DLG1: variants seen among roughly 807,000 people sequenced by gnomAD.
The protein encoded by DLG1 is disks large homolog 1.
Under a neutral mutation model 123.4 loss-of-function variants are expected in DLG1, and 42 were observed. That is an observed-to-expected ratio of 0.34 (90% confidence interval 0.27 to 0.44). The LOEUF (loss-of-function observed/expected upper bound fraction) is 0.44. DLG1 is among the 20% of genes least tolerant of loss of function. The pLI is 1.00. For missense variants in DLG1, 942 were observed against 1,082.6 expected (o/e 0.87, Z 1.82); for synonymous variants, 317 against 356.2 (o/e 0.89, Z 1.24).
At position 197,148,715 on chromosome 3, in the gene DLG1, A is replaced by C. The variant is rs373202173; in HGVS notation, c.537+1028T>G. 9.9e-5 allele frequency among the ~76,000 whole-genome samples: 15 copies of C among 152,266 alleles called. No homozygotes were observed. In the East Asian group the frequency reaches 2.1e-3, roughly 22 times the overall value. On this transcript the variant is annotated intron_variant, in intron 6 of 24. Transcript: ENST00000667157. ...CCAAAATCTAAAAGCAAAACCATAA[A>C]ACTCTTAGAAGAAAACTTAACTCTA...
At chr3:197,296,943 G>A (rs963004168) in intron 2 of DLG1, 16 of 496,884 alleles carry the variant, frequency 3.2e-5, no homozygotes, top group African/African-American at 1.8e-4. Context: ...GGGTTATTAA[G>A]GACATCTGTT....
At chr3:197,265,668 T>G (rs935489716) in intron 4 of DLG1, among the ~76,000 whole-genome samples, 4 of 152,120 alleles carry the variant, frequency 2.6e-5, no homozygotes, top group African/African-American at 9.7e-5. Context: ...AACCCAGAGC[T>G]CACGCAAGGC....
intron 11 of DLG1, among the ~76,000 whole-genome samples, chr3:197,120,266 CGAGA>C (rs1775584208): frequency 1.0e-5 from 1 of 96,708 alleles, no homozygotes; most frequent in African/African-American, 4.4e-5. Context: ...TGCCCTGTCT[CGAGA>C]AAGAAAAAAA....
intron 5 of DLG1, among the ~76,000 whole-genome samples, chr3:197,155,786 A>G (rs1796152914): frequency 6.6e-6 from 1 of 152,090 alleles, no homozygotes; most frequent in African/African-American, 2.4e-5. Flanking sequence ...CAAAACAGCA[A>G]CAACAACAAA....
At chr3:197,125,412 G>C (rs1412584687) in intron 11 of DLG1, among the ~76,000 whole-genome samples, 2 of 152,284 alleles carry the variant, frequency 1.3e-5, no homozygotes, top group African/African-American at 2.4e-5. Flanking sequence ...CTGCTGCGAA[G>C]AAGAAGGGGG....
At chr3:197,163,687 ATTTTTTTTTTT>A (rs56865627) in intron 5 of DLG1, among the ~76,000 whole-genome samples, 2 of 102,034 alleles carry the variant, frequency 2.0e-5, no homozygotes, top group Non-Finnish European at 3.8e-5. Flanking sequence ...ATGCTCAGCT[ATTTTTTTTTTT>A]TTTTTTTTTT....
chr3:197,193,671 A>G (rs1720861734), intron 5 of DLG1, among the ~76,000 whole-genome samples: 1 of 152,218 alleles, frequency 6.6e-6, no homozygotes, highest in South Asian at 2.1e-4. Flanking sequence ...ATAAAGTCCA[A>G]AATATGCAAA....
chr3:197,159,567 T>C (rs562663909), intron 5 of DLG1, among the ~76,000 whole-genome samples: 8 of 152,358 alleles, frequency 5.3e-5, no homozygotes, highest in African/African-American at 1.9e-4. Context: ...GTGGATCTTT[T>C]AAGAATACAT....
intron 7 of DLG1, 60 bp downstream of exon 7, chr3:197,142,657 TA>T: frequency 4.8e-6 from 6 of 1,246,656 alleles, no homozygotes; most frequent in Non-Finnish European, 6.8e-6. Context: ...TTGGATTCTG[TA>T]TGAAAAAGCA....
At chr3:197,101,407 A>G (rs1021505334) in intron 14 of DLG1, among the ~76,000 whole-genome samples, 1 of 150,578 alleles carries the variant, frequency 6.6e-6, no homozygotes, top group Non-Finnish European at 1.5e-5. Context: ...TTTTTTTGAG[A>G]CAGAGTCTCG....
chr3:197,162,374 T>C (rs1799148951), intron 5 of DLG1, among the ~76,000 whole-genome samples: 1 of 152,164 alleles, frequency 6.6e-6, no homozygotes, highest in South Asian at 2.1e-4. Context: ...AGGATGAAAC[T>C]GGAACACAGG....
intron 14 of DLG1, among the ~76,000 whole-genome samples, chr3:197,095,171 A>C (rs2149219950): frequency 6.6e-6 from 1 of 152,294 alleles, no homozygotes; most frequent in Non-Finnish European, 1.5e-5. Flanking sequence ...GAACCATTTG[A>C]CAGCAATTTG....
chr3:197,297,438 GAACA>G (rs1777999978), intron 1 of DLG1: 2 of 1,391,456 alleles, frequency 1.4e-6, no homozygotes, highest in Admixed American at 6.1e-5. Context: ...TCCAAATTAA[GAACA>G]GACAGAAGTC....
At chr3:197,045,750 T>C (rs1003772074) in intron 24 of DLG1, among the ~76,000 whole-genome samples, 5 of 152,194 alleles carry the variant, frequency 3.3e-5, no homozygotes, top group African/African-American at 1.2e-4. Flanking sequence ...ACCTTGTGTC[T>C]CGTAAAAAAG....
At chr3:197,229,757 T>C (rs1741903117) in intron 4 of DLG1, among the ~76,000 whole-genome samples, 1 of 152,248 alleles carries the variant, frequency 6.6e-6, no homozygotes, top group South Asian at 2.1e-4. Flanking sequence ...AGAACTTTGC[T>C]TTTTTGAAAA....
At chr3:197,233,673 C>T (rs1446822501) in intron 4 of DLG1, among the ~76,000 whole-genome samples, 2 of 152,236 alleles carry the variant, frequency 1.3e-5, no homozygotes, top group African/African-American at 4.8e-5. Context: ...GTGTGAGCCA[C>T]CATGCCTGGC....
chr3:197,068,948 A>G (rs1362425418), intron 19 of DLG1, among the ~76,000 whole-genome samples: 1 of 152,132 alleles, frequency 6.6e-6, no homozygotes, highest in Non-Finnish European at 1.5e-5. Flanking sequence ...ATTTAACTAG[A>G]TATTTACTTC....
chr3:197,050,433 T>C (rs536542650), intron 24 of DLG1, among the ~76,000 whole-genome samples: 34 of 151,978 alleles, frequency 2.2e-4, no homozygotes, highest in Non-Finnish European at 4.4e-4. Flanking sequence ...AATATATATA[T>C]ATATGTATGT....
chr3:197,207,375 AAAG>A (rs1310178994), intron 4 of DLG1, among the ~76,000 whole-genome samples: 2 of 152,268 alleles, frequency 1.3e-5, no homozygotes, highest in African/African-American at 4.8e-5. Context: ...TACCAAATGA[AAAG>A]AAGACAGACC....
Sources: gnomAD v4.1 joint callset for allele counts (sites outside exome capture counted in the v4.1 genomes callset) on GRCh38, gnomAD v4.1.1 for gene constraint, MANE v1.5 for transcripts, NCBI Gene and HGNC (gene_info 2026-07-23, HGNC 2026-07-21) for gene names.